Variants in EMSY observed in about 807,000 individuals in gnomAD.
The protein encoded by EMSY is EMSY transcriptional repressor, BRCA2 interacting.
In EMSY, 26 loss-of-function variants were observed where a neutral mutation model predicts 134.6. That is an observed-to-expected ratio of 0.19 (90% CI 0.14 to 0.27). The LOEUF (loss-of-function observed/expected upper bound fraction) is 0.27, where lower values mean the gene tolerates loss of function less well. Ranked by LOEUF, EMSY falls within the 10% of genes least tolerant of loss-of-function variation. The pLI, the probability that EMSY is intolerant of heterozygous loss-of-function variation, is 1.00. For missense variants in EMSY, 1,305 were observed against 1,611.4 expected (o/e 0.81, Z 3.26); for synonymous variants, 579 against 577.8 (o/e 1.00, Z -0.03).
At chr11:76,458,780 C>T (rs1332814183) in intron 5 of EMSY, 1 of 153,582 alleles carries the variant, frequency 6.5e-6, no homozygotes, top group African/African-American at 2.4e-5. Flanking sequence ...CTTCTTTGTT[C>T]TGGTTAATGA....
chr11:76,453,334 G>A (rs2134870379), exon 4 of EMSY: 4 of 1,612,878 alleles, frequency 2.5e-6, no homozygotes, highest in Non-Finnish European at 2.5e-6. Context: ...GAACGCCACC[G>A]TGCTGAAGTT....
chr11:76,547,610 C>G (rs1951700887), intron 20 of EMSY, among the ~76,000 whole-genome samples: 1 of 152,182 alleles, frequency 6.6e-6, no homozygotes, highest in South Asian at 2.1e-4. Context: ...AGGATTGATA[C>G]AAGGATTACA....
At chr11:76,530,457 A>T (rs777165120) in intron 14 of EMSY, among the ~76,000 whole-genome samples, 1 of 152,138 alleles carries the variant, frequency 6.6e-6, no homozygotes, top group Non-Finnish European at 1.5e-5. Flanking sequence ...CACTGCGTCC[A>T]GCTGAATCTT....
intron 9 of EMSY, among the ~76,000 whole-genome samples, chr11:76,512,102 A>G (rs1445157577): frequency 6.6e-6 from 1 of 152,244 alleles, no homozygotes; most frequent in Non-Finnish European, 1.5e-5. Flanking sequence ...AAAAAGTAAT[A>G]TAATTCTTAG....
chr11:76,493,269 T>C (rs1949498073), intron 8 of EMSY, among the ~76,000 whole-genome samples: 1 of 152,102 alleles, frequency 6.6e-6, no homozygotes, highest in Admixed American at 6.5e-5. Context: ...TGGGTGCCAA[T>C]GAGCACGGGA....
chr11:76,515,256 GAATTTGATT>G (rs1950411900), intron 10 of EMSY, among the ~76,000 whole-genome samples: 1 of 151,510 alleles, frequency 6.6e-6, no homozygotes, highest in Non-Finnish European at 1.5e-5. Flanking sequence ...AGTGGTCCGT[GAATTTGATT>G]ATCATGAAAG....
chr11:76,542,882 A>G (rs2136709306), intron 18 of EMSY, among the ~76,000 whole-genome samples: 1 of 152,162 alleles, frequency 6.6e-6, no homozygotes, highest in East Asian at 1.9e-4. Flanking sequence ...GAAAGTTGAG[A>G]ATATAAATCT....
chr11:76,528,580 T>A, intron 14 of EMSY, 114 bp downstream of exon 15: 7 of 610,014 alleles, frequency 1.1e-5, no homozygotes, highest in South Asian at 3.5e-5. Context: ...CTATCAATTC[T>A]TTTCCTTTTT....
intron 12 of EMSY, among the ~76,000 whole-genome samples, chr11:76,525,578 G>C (rs1347679250): frequency 6.6e-6 from 1 of 152,156 alleles, no homozygotes. Context: ...TAAAGTCACT[G>C]TATTTGAACT....
chr11:76,460,312 A>G (rs1948056791), intron 6 of EMSY: 2 of 446,672 alleles, frequency 4.5e-6, no homozygotes, highest in Admixed American at 3.6e-5. Context: ...TCTGTGGGTA[A>G]TCTGCCTTTG....
chr11:76,516,432 GT>G, intron 11 of EMSY, 120 bp downstream of exon 12: 1 of 652,286 alleles, frequency 1.5e-6, no homozygotes, highest in East Asian at 3.1e-5. Context: ...CTAAAGCTTT[GT>G]TTTAGTCCTT....
Position 76,474,054 on chromosome 11 carries a change from C to T in EMSY, c.1108+1214C>T, listed in dbSNP as rs1001568604. 6.1e-5 allele frequency among the ~76,000 whole-genome samples: 9 copies of T among 147,284 alleles called. No homozygotes were observed. The Middle Eastern group carries it at 0.011, about 178-fold the overall frequency. On this transcript the variant is annotated intron_variant, in intron 8 of 20. Coordinates refer to ENST00000334736, the Ensembl canonical transcript of EMSY. ...CTGAGGCAGGAGAATTGTTTGAACC[C>T]GGGAGGTGGAGATTGTAGTGAGCTG... is the stretch of plus-strand genomic sequence containing the variant.
chr11:76,487,167 C>T (rs944424217), intron 8 of EMSY, among the ~76,000 whole-genome samples: 22 of 152,240 alleles, frequency 1.4e-4, no homozygotes, highest in African/African-American at 5.1e-4. Flanking sequence ...GTAGTCCCAG[C>T]TACTCAGGAG....
In EMSY at chr11:76,535,830, GTTTT is replaced by G. The variant is rs202063699; in HGVS notation, c.2195-55_2195-52del. ...AAGCAAACAGACAAAAAAATTGTTT[GTTTT>G]TTTTTTTTTAAGAGAAACTTTGTTT... On this transcript the variant is annotated intron_variant, in intron 14 of 20. Transcript: ENST00000334736. 8 of 907,144 alleles carry G rather than the reference GTTTT, an allele frequency of 8.8e-6. No individual in the cohort carries two copies. In the African/African-American group the frequency reaches 1.1e-4, roughly 13 times the overall value. 56.2% of individuals were successfully genotyped at this position (907,144 alleles called of 1,614,324 possible).
At chr11:76,445,534 T>C (rs140179875) in intron 1 of EMSY, among the ~76,000 whole-genome samples, 2,063 of 151,854 alleles carry the variant, frequency 0.014, 23 homozygotes, top group Admixed American at 0.024. Flanking sequence ...GGCTGGCTGC[T>C]CTTGTTGTGG....
At chr11:76,546,082 T>G in exon 20 of EMSY, 4 of 1,614,158 alleles carry the variant, frequency 2.5e-6, no homozygotes, top group Non-Finnish European at 3.4e-6. Flanking sequence ...AGCAGGATCA[T>G]TACCCTCCAC....
chr11:76,521,454 G>A (rs1465234123), intron 11 of EMSY, among the ~76,000 whole-genome samples: 3 of 152,100 alleles, frequency 2.0e-5, no homozygotes, highest in African/African-American at 7.2e-5. Context: ...CTTGTTGAGA[G>A]GTATAGGGAG....
At chr11:76,489,029 T>A (rs1949306532) in intron 8 of EMSY, among the ~76,000 whole-genome samples, 1 of 152,226 alleles carries the variant, frequency 6.6e-6, no homozygotes, top group Non-Finnish European at 1.5e-5. Context: ...GCAAAAGTAA[T>A]GGGGCCACCA....
rs71040003 is a variant in EMSY, at chr11:76,522,352, C to CTTTTTTTTTTTTTTTTTTT, written c.1685-791_1685-773dup. Among the ~76,000 whole-genome samples the CTTTTTTTTTTTTTTTTTTT allele has an allele frequency of 1.4e-4, 6 of 44,222 alleles. 2 individuals are homozygous for CTTTTTTTTTTTTTTTTTTT. The highest frequency in any genetic ancestry group is 2.3e-4 in the Non-Finnish European group (6 of 26,566). 29.0% of individuals were successfully genotyped at this position (44,222 alleles called of 152,430 possible). A position where few individuals can be genotyped will look rare whatever the true frequency, so the allele number is the denominator to read the frequency against. On this transcript the variant is annotated intron_variant, in intron 11 of 20. Coordinates refer to ENST00000334736, the Ensembl canonical transcript of EMSY. ...CTTGTTTTGTATATCGTTTACTTTG[C>CTTTTTTTTTTTTTTTTTTT]TTTTTTTTTTTTTTTTTTTTTTTTT...
Sources: allele counts gnomAD v4.1 joint callset (sites outside exome capture counted in the v4.1 genomes callset), GRCh38; gene constraint gnomAD v4.1.1; transcripts MANE v1.5; gene names NCBI Gene and HGNC (gene_info 2026-07-23, HGNC 2026-07-21).